Variants in RBM20 observed in about 807,000 individuals in gnomAD.
The protein encoded by RBM20 is RNA binding motif protein 20, also known as RNA-binding protein 20.
RBM20 carries 51 observed loss-of-function variants against 110.1 expected under a neutral mutation model. The ratio of observed to expected loss-of-function variants is 0.46; its 90% CI spans 0.37 to 0.59. RBM20 has a LOEUF of 0.59. Among genes scored for constraint, RBM20 ranks in the 20% least tolerant of loss-of-function variants. The pLI is 0.00. For missense variants in RBM20, 1,512 were observed against 1,574.9 expected, an observed-to-expected ratio of 0.96 and a Z score of 0.68; for synonymous variants, 589 against 618.2, an observed-to-expected ratio of 0.95 and a Z score of 0.70.
Position 110,783,428 on chromosome 10 carries a change from G to C in RBM20, c.1337+1G>C. The C allele has an allele frequency of 6.5e-7, 1 of 1,549,956 alleles. No individual in the cohort carries two copies. The highest frequency in any genetic ancestry group is 8.7e-7 in the Non-Finnish European group (1 of 1,145,576). On this transcript the variant is annotated splice_donor_variant, in intron 3 of 13. Transcript: ENST00000369519. LOFTEE classifies it high-confidence loss of function. ...AGAAATGCCTGGTCTTCTCTGAAAA[G>C]TAAGTGCTGTTCAGGAGGACAGGCT...
chr10:110,719,073 A>G (rs1843472084), intron 1 of RBM20, among the ~76,000 whole-genome samples: 2 of 152,210 alleles, frequency 1.3e-5, no homozygotes, highest in South Asian at 4.1e-4. Flanking sequence ...TTGGAGACAT[A>G]TCTGTAGGTA....
intron 1 of RBM20, among the ~76,000 whole-genome samples, chr10:110,723,447 T>A (rs1843530723): frequency 6.6e-6 from 1 of 152,108 alleles, no homozygotes. Flanking sequence ...AATGTAGGAG[T>A]GGAATTGCTG....
intron 1 of RBM20, among the ~76,000 whole-genome samples, chr10:110,703,947 C>T (rs1401952784): frequency 4.6e-5 from 7 of 152,074 alleles, no homozygotes; most frequent in Admixed American, 4.6e-4. Flanking sequence ...CACCATCTCT[C>T]CTAAAAATAC....
intron 1 of RBM20, among the ~76,000 whole-genome samples, chr10:110,645,781 T>C (rs1861859324): frequency 6.6e-6 from 1 of 151,968 alleles, no homozygotes; most frequent in African/African-American, 2.4e-5. Flanking sequence ...AACAAAATGG[T>C]TCCCTATGTT....
rs1457969321 is a variant in RBM20, at chr10:110,756,551, T to C, written c.192-24250T>C. The C allele has an allele frequency of 2.0e-5, 3 of 152,278 alleles. No individual in the cohort carries two copies. In the East Asian group the frequency reaches 5.8e-4, roughly 29 times the overall value. 9.4% of individuals were successfully genotyped at this position (152,278 alleles called of 1,614,324 possible). On this transcript the variant is annotated intron_variant, in intron 1 of 13. Transcript: ENST00000369519. Reference sequence around the variant, plus strand: ...CTAGCTGGCATCTCTTCCCTCCTCATACCTCAATGCACATTCCTCCCACAT... The same window carrying C: ...CTAGCTGGCATCTCTTCCCTCCTCACACCTCAATGCACATTCCTCCCACAT...
chr10:110,743,306 G>A lies in RBM20; in HGVS notation c.192-37495G>A, dbSNP rs74594887. ...CTGTTTTGCAGACCATTAGACCAAG[G>A]CACAGAGAGATTAAGTGGCTTGCCA... On this transcript the variant is annotated intron_variant, in intron 1 of 13. Coordinates refer to ENST00000369519, the MANE Select transcript of RBM20 (RefSeq NM_001134363.3). 2.6e-5 allele frequency among the ~76,000 whole-genome samples: 4 copies of A among 152,144 alleles called. No homozygotes were observed. In the East Asian group the frequency reaches 7.7e-4, roughly 29 times the overall value.
chr10:110,657,711 CTT>C (rs200477519), intron 1 of RBM20, among the ~76,000 whole-genome samples: 1 of 152,190 alleles, frequency 6.6e-6, no homozygotes, highest in Non-Finnish European at 1.5e-5. Flanking sequence ...AGTGCAAACT[CTT>C]TATCCATCTG....
chr10:110,691,744 G>A (rs549032649), intron 1 of RBM20, among the ~76,000 whole-genome samples: 1 of 152,244 alleles, frequency 6.6e-6, no homozygotes, highest in East Asian at 1.9e-4. Context: ...TCTCTTGATA[G>A]TGTCCTTTAA....
chr10:110,743,122 T>G (rs1165476787), intron 1 of RBM20, among the ~76,000 whole-genome samples: 8 of 152,216 alleles, frequency 5.3e-5, no homozygotes, highest in Admixed American at 2.0e-4. Context: ...TCAGACACAA[T>G]GTATTTTACA....
chr10:110,788,325 C>T (rs1844445225), intron 5 of RBM20, among the ~76,000 whole-genome samples: 1 of 152,254 alleles, frequency 6.6e-6, no homozygotes, highest in African/African-American at 2.4e-5. Flanking sequence ...AGGCCAGCCA[C>T]ACCTGGTATC....
chr10:110,711,060 G>A lies in RBM20; in HGVS notation c.191+66415G>A, dbSNP rs1011060607. Reference sequence around the variant, plus strand: ...AGACCATGGAGGACTTGTGGGGTGCGTGTGTGATTAGACTCCAGCCGGGCG... The same window carrying A: ...AGACCATGGAGGACTTGTGGGGTGCATGTGTGATTAGACTCCAGCCGGGCG... On this transcript the variant is annotated intron_variant, in intron 1 of 13. Coordinates refer to ENST00000369519, the MANE Select transcript of RBM20 (RefSeq NM_001134363.3). 1.1e-4 allele frequency among the ~76,000 whole-genome samples: 16 copies of A among 152,086 alleles called. No homozygotes were observed. The East Asian group carries it at 2.1e-3, about 20-fold the overall frequency.
intron 1 of RBM20, among the ~76,000 whole-genome samples, chr10:110,751,709 T>C (rs993226843): frequency 3.3e-5 from 5 of 152,328 alleles, no homozygotes; most frequent in African/African-American, 1.2e-4. Context: ...ATGAAACCAT[T>C]TTTGGAGAAC....
chr10:110,698,943 T>C (rs1014064972), intron 1 of RBM20, among the ~76,000 whole-genome samples: 5 of 152,230 alleles, frequency 3.3e-5, no homozygotes, highest in Non-Finnish European at 7.3e-5. Flanking sequence ...AAGGGCTGTC[T>C]CATTTGCTAG....
At chr10:110,670,056 A>G (rs1862235717) in intron 1 of RBM20, among the ~76,000 whole-genome samples, 3 of 151,896 alleles carry the variant, frequency 2.0e-5, no homozygotes, top group African/African-American at 7.3e-5. Flanking sequence ...CATCTCTTTG[A>G]AACCTTTTAG....
At chr10:110,799,628 C>G (rs1844595494) in intron 6 of RBM20, among the ~76,000 whole-genome samples, 159 bp from the exon 7 acceptor site, 1 of 152,172 alleles carries the variant, frequency 6.6e-6, no homozygotes, top group Admixed American at 6.5e-5. Flanking sequence ...CATCAGTTCC[C>G]CATCCCCACC....
intron 1 of RBM20, among the ~76,000 whole-genome samples, chr10:110,776,461 A>G (rs772646644): frequency 6.6e-6 from 1 of 152,190 alleles, no homozygotes; most frequent in Non-Finnish European, 1.5e-5. Flanking sequence ...TGGAGGCTCT[A>G]AGGGACAATC....
chr10:110,645,100 C>T (rs956342297), intron 1 of RBM20, among the ~76,000 whole-genome samples: 2 of 152,150 alleles, frequency 1.3e-5, no homozygotes, highest in African/African-American at 4.8e-5. Flanking sequence ...AGGGAGGTGA[C>T]AGTTTGTAAA....
chr10:110,810,814 T>TGC lies in RBM20; in HGVS notation c.1880+354_1880+355dup, dbSNP rs1173292864. ...TAATGCGTGTGTGTGTGTGTGTGTG[T>TGC]GCGTGTGTGCGTGTGTGTGTGCATG... On this transcript the variant is annotated intron_variant, in intron 8 of 13. Coordinates refer to ENST00000369519, the MANE Select transcript of RBM20 (RefSeq NM_001134363.3). Among the ~76,000 whole-genome samples, 366 of 146,160 alleles carry TGC rather than the reference T, an allele frequency of 2.5e-3. 9 individuals are homozygous for TGC. In the East Asian group the frequency reaches 0.062, roughly 25 times the overall value.
chr10:110,743,275 C>A (rs1286015616), intron 1 of RBM20, among the ~76,000 whole-genome samples: 1 of 152,112 alleles, frequency 6.6e-6, no homozygotes, highest in Non-Finnish European at 1.5e-5. Context: ...TGGGGTAAAT[C>A]AATTTCTGTT....
Sources: allele counts gnomAD v4.1 joint callset (sites outside exome capture counted in the v4.1 genomes callset), GRCh38; gene constraint gnomAD v4.1.1; transcripts MANE v1.5; gene names NCBI Gene and HGNC (gene_info 2026-07-23, HGNC 2026-07-21).